CLIP4: variants seen among roughly 807,000 people sequenced by gnomAD.
The protein encoded by CLIP4 is CAP-Gly domain containing linker protein family member 4.
Under a neutral mutation model 73.1 loss-of-function variants are expected in CLIP4, and 47 were observed. The observed-to-expected ratio is 0.64, with a 90% confidence interval of 0.51 to 0.82. The LOEUF (loss-of-function observed/expected upper bound fraction) is 0.82. Among genes scored for constraint, CLIP4 ranks in the 40% least tolerant of loss-of-function variants. The pLI is 0.00. For missense variants in CLIP4, 874 were observed against 852.9 expected, an observed-to-expected ratio of 1.02 and a Z score of -0.31; for synonymous variants, 306 against 295.4, an observed-to-expected ratio of 1.04 and a Z score of -0.37.
intron 13 of CLIP4, among the ~76,000 whole-genome samples, chr2:29,165,044 A>G (rs1166083483): frequency 3.3e-5 from 5 of 152,158 alleles, no homozygotes; most frequent in Non-Finnish European, 7.4e-5. Context: ...AGTGTGCTTT[A>G]GATGCATACC....
chr2:29,133,585 G>A (rs776602934), intron 4 of CLIP4, 70 bp from the exon 5 acceptor site: 9 of 1,450,684 alleles, frequency 6.2e-6, no homozygotes, highest in Admixed American at 2.2e-5. Flanking sequence ...TTTAAATGAG[G>A]CAATTGGTAG....
At chr2:29,131,035 A>G in intron 2 of CLIP4, 1 of 859,946 alleles carries the variant, frequency 1.2e-6, no homozygotes, top group Non-Finnish European at 1.6e-6. Context: ...TCATGTGCAA[A>G]ATGAGAATAA....
In CLIP4 at chr2:29,183,663, T is replaced by G. The variant is rs922584441; in HGVS notation, c.*1770T>G. On this transcript the variant is annotated 3_prime_UTR_variant, in exon 16 of 16. Coordinates refer to ENST00000320081, the MANE Select transcript of CLIP4 (RefSeq NM_024692.6). ...ACCAGTTGTTCTCTTTATATTTAGA[T>G]GAGGATGATTGAGTCCATATACTAT... 6.6e-6 allele frequency: 1 copy of G among 152,666 alleles called. No individual in the cohort carries two copies. Among genetic ancestry groups the G allele is most frequent in the African/African-American group, 2.4e-5 (1 of 41,476 alleles). 9.5% of individuals were successfully genotyped at this position (152,666 alleles called of 1,614,324 possible). A position where few individuals can be genotyped will look rare whatever the true frequency, so the allele number is the denominator to read the frequency against.
At chr2:29,170,406 G>C (rs140453900) in intron 14 of CLIP4, among the ~76,000 whole-genome samples, 55 of 152,230 alleles carry the variant, frequency 3.6e-4, no homozygotes, top group Middle Eastern at 3.4e-3. Flanking sequence ...ACAGTGTGCT[G>C]TATCTTCTTT....
intron 1 of CLIP4, among the ~76,000 whole-genome samples, chr2:29,102,905 A>G (rs976757090): frequency 4.6e-5 from 7 of 152,206 alleles, no homozygotes; most frequent in Non-Finnish European, 8.8e-5. Flanking sequence ...GGTGTGAGCC[A>G]CTGCGCCCAG....
chr2:29,111,829 T>C (rs187836651), upstream of CLIP4, among the ~76,000 whole-genome samples: 159 of 152,318 alleles, frequency 1.0e-3, 2 homozygotes, highest in African/African-American at 3.7e-3. Flanking sequence ...AGGATTGTGC[T>C]TTTGCAAACC....
At chr2:29,136,883 G>C (rs79771739) in intron 6 of CLIP4, among the ~76,000 whole-genome samples, 89 of 151,560 alleles carry the variant, frequency 5.9e-4, no homozygotes, top group African/African-American at 1.8e-3. Context: ...CATGAGATAC[G>C]TTATTGAGCT....
intron 1 of CLIP4, among the ~76,000 whole-genome samples, chr2:29,120,077 A>G (rs1377823875): frequency 6.6e-6 from 1 of 152,180 alleles, no homozygotes; most frequent in Non-Finnish European, 1.5e-5. Context: ...GCTGCTCTAT[A>G]ACACTAATTC....
At chr2:29,153,212 T>C (rs1666697852) in intron 9 of CLIP4, among the ~76,000 whole-genome samples, 1 of 152,128 alleles carries the variant, frequency 6.6e-6, no homozygotes, top group Admixed American at 6.5e-5. Flanking sequence ...CAGTTGCGGC[T>C]CTCTTTCTTT....
chr2:29,120,825 C>A (rs1664202006), intron 1 of CLIP4, among the ~76,000 whole-genome samples: 2 of 152,166 alleles, frequency 1.3e-5, no homozygotes, highest in African/African-American at 2.4e-5. Context: ...ATAGAACTCA[C>A]ATACCTCGGA....
intron 6 of CLIP4, among the ~76,000 whole-genome samples, chr2:29,143,216 C>T (rs1463957724): frequency 1.3e-5 from 2 of 152,158 alleles, no homozygotes; most frequent in African/African-American, 4.8e-5. Context: ...CCGTTTAGGA[C>T]CTGAGCACCG....
intron 15 of CLIP4, among the ~76,000 whole-genome samples, chr2:29,178,692 A>G (rs954962818): frequency 6.6e-6 from 1 of 152,238 alleles, no homozygotes; most frequent in East Asian, 1.9e-4. Context: ...CTAGTAATAG[A>G]TGCCAGACTT....
intron 7 of CLIP4, 38 bp from the exon 8 acceptor site, chr2:29,145,194 T>C (rs1392135960): frequency 6.3e-7 from 1 of 1,588,342 alleles, no homozygotes; most frequent in Non-Finnish European, 8.6e-7. Flanking sequence ...GAATTACTAA[T>C]AATTCCCCAA....
At chr2:29,179,547 A>G (rs935559640) in intron 15 of CLIP4, among the ~76,000 whole-genome samples, 22 of 152,206 alleles carry the variant, frequency 1.4e-4, no homozygotes, top group Non-Finnish European at 3.1e-4. Context: ...TCTGAACCTC[A>G]GATTCTTCTT....
rs187150348 is a variant in CLIP4, at chr2:29,137,565, A to G, written c.648+1899A>G. Reference sequence around the variant, plus strand: ...AATGAGATTGCTAGGTCAAATGGTAATTCTGTTTTTAGTTTTTTGAGAAAT... The same window carrying G: ...AATGAGATTGCTAGGTCAAATGGTAGTTCTGTTTTTAGTTTTTTGAGAAAT... On this transcript the variant is annotated intron_variant, in intron 6 of 15. Coordinates refer to ENST00000320081, the MANE Select transcript of CLIP4 (RefSeq NM_024692.6). Among the ~76,000 whole-genome samples, 756 of 152,200 alleles carry G rather than the reference A, an allele frequency of 5.0e-3. 9 individuals are homozygous for G. The highest frequency in any genetic ancestry group is 6.0e-3 in the Non-Finnish European group (409 of 67,998).
intron 14 of CLIP4, among the ~76,000 whole-genome samples, chr2:29,169,042 G>A (rs1381998962): frequency 1.3e-5 from 2 of 151,408 alleles, no homozygotes; most frequent in Non-Finnish European, 2.9e-5. Flanking sequence ...TAATTGTTGA[G>A]ATTAATTTTA....
At chr2:29,116,742 A>G (rs190192775) in intron 1 of CLIP4, among the ~76,000 whole-genome samples, 4 of 152,326 alleles carry the variant, frequency 2.6e-5, no homozygotes, top group Admixed American at 1.3e-4. Context: ...GATACGGTCT[A>G]TCTGGACTGT....
chr2:29,138,145 C>T (rs1429934513), intron 6 of CLIP4, among the ~76,000 whole-genome samples: 2 of 152,206 alleles, frequency 1.3e-5, no homozygotes, highest in African/African-American at 4.8e-5. Context: ...CGAGGTCTTA[C>T]ATTTAAATTT....
rs76308689 is a variant in CLIP4 at position 29,151,850 on chromosome 2, C to T, written c.1022-835C>T. 5.8e-3 allele frequency among the ~76,000 whole-genome samples: 876 copies of T among 152,118 alleles called. 12 individuals are homozygous for T. Among genetic ancestry groups the T allele is most frequent in the African/African-American group, 0.019 (796 of 41,496 alleles). On this transcript the variant is annotated intron_variant, in intron 8 of 15. Transcript: ENST00000320081. ...AGTCTGTATTCACTATCTCTAATGTCGGTGCATACTTTGTATGCTGGTTAT... is the reference window on the plus strand; with the variant it reads ...AGTCTGTATTCACTATCTCTAATGTTGGTGCATACTTTGTATGCTGGTTAT...
Sources: allele counts gnomAD v4.1 joint callset (sites outside exome capture counted in the v4.1 genomes callset), GRCh38; gene constraint gnomAD v4.1.1; transcripts MANE v1.5; gene names NCBI Gene and HGNC (gene_info 2026-07-23, HGNC 2026-07-21).